The following DMXL2 variants were observed in gnomAD, a reference collection of about 807,000 sequenced individuals.
DMXL2 encodes the protein Dmx like 2, also known as dmX-like protein 2.
Under a neutral mutation model 331.1 loss-of-function variants are expected in DMXL2, and 103 were observed. The ratio of observed to expected loss-of-function variants is 0.31; its 90% CI spans 0.27 to 0.37. The LOEUF is 0.37. Among genes scored for constraint, DMXL2 ranks in the 10% least tolerant of loss-of-function variants. The pLI, the probability that DMXL2 is intolerant of heterozygous loss-of-function variation, is 1.00. For missense variants in DMXL2, 3,171 were observed against 3,642.9 expected (o/e 0.87, Z 3.33); for synonymous variants, 1,281 against 1,252.1 (o/e 1.02, Z -0.49).
chr15:51,521,513 A>C (rs1198246674), intron 13 of DMXL2, among the ~76,000 whole-genome samples: 2 of 151,324 alleles, frequency 1.3e-5, no homozygotes, highest in African/African-American at 2.4e-5. Flanking sequence ...AGGTTAAATA[A>C]CTTTCCCAGC....
At chr15:51,477,514 A>G (rs1304493757) in intron 26 of DMXL2, among the ~76,000 whole-genome samples, 1 of 152,056 alleles carries the variant, frequency 6.6e-6, no homozygotes, top group African/African-American at 2.4e-5. Flanking sequence ...CAATCAGAGT[A>G]CAGGCCATTT....
In DMXL2 at chr15:51,618,045, C is replaced by T. The variant is rs141556008; in HGVS notation, c.87+4414G>A. Among the ~76,000 whole-genome samples the T allele has an allele frequency of 2.0e-5, 3 of 152,306 alleles. No homozygotes were observed. In the East Asian group the frequency reaches 5.8e-4, roughly 29 times the overall value. On this transcript the variant is annotated intron_variant, in intron 1 of 43. Coordinates refer to ENST00000560891, the MANE Select transcript of DMXL2 (RefSeq NM_001378457.1). ...ATTTCTCTTAGAAAACAAGTCCATT[C>T]TAAATTCTTGACTTCTGTCTTTCAC...
Position 51,591,300 on chromosome 15 carries a change from C to T in DMXL2, c.88-15119G>A, listed in dbSNP as rs530737392. Among the ~76,000 whole-genome samples the T allele has an allele frequency of 7.0e-3, 1,073 of 152,316 alleles. 10 individuals carry two copies. The highest frequency in any genetic ancestry group is 0.025 in the African/African-American group (1,035 of 41,576). On this transcript the variant is annotated intron_variant, in intron 1 of 43. Transcript: ENST00000560891. ...AGGAGATTATATCCCGCGCCTGGCT[C>T]GGAGGGTCCTACGCCCACAGAGCCT...
chr15:51,502,231 T>TG (rs758890815), intron 17 of DMXL2, among the ~76,000 whole-genome samples: 1 of 114,798 alleles, frequency 8.7e-6, no homozygotes, highest in Non-Finnish European at 1.7e-5. Context: ...AGACTCCGTC[T>TG]AAAAAAAAAA....
chr15:51,578,797 T>C (rs962201618), intron 1 of DMXL2, among the ~76,000 whole-genome samples: 1 of 152,152 alleles, frequency 6.6e-6, no homozygotes, highest in African/African-American at 2.4e-5. Context: ...TACACTGGAA[T>C]ACTACACAGC....
intron 40 of DMXL2, among the ~76,000 whole-genome samples, chr15:51,454,334 C>A (rs934631185): frequency 2.0e-5 from 3 of 152,082 alleles, no homozygotes; most frequent in African/African-American, 7.2e-5. Flanking sequence ...CCACCCTCCC[C>A]CATGTTCCTT....
chr15:51,574,872 C>G, intron 2 of DMXL2, among the ~76,000 whole-genome samples: 1 of 152,158 alleles, frequency 6.6e-6, no homozygotes, highest in Non-Finnish European at 1.5e-5. Flanking sequence ...ATCACCAGCA[C>G]TTGAGTTATT....
intron 1 of DMXL2, among the ~76,000 whole-genome samples, chr15:51,579,527 C>G (rs1400735378): frequency 1.3e-5 from 2 of 152,148 alleles, no homozygotes; most frequent in Non-Finnish European, 2.9e-5. Context: ...TTACCTTGTC[C>G]TTGTTTACCA....
intron 1 of DMXL2, among the ~76,000 whole-genome samples, chr15:51,600,795 G>A (rs1178801340): frequency 3.9e-5 from 6 of 152,066 alleles, no homozygotes; most frequent in Non-Finnish European, 4.4e-5. Flanking sequence ...CCTGGCCATA[G>A]GTCTGACATT....
chr15:51,507,179 G>A lies in DMXL2; in HGVS notation c.2719C>T (p.Leu907=), dbSNP rs763721155. ...IEKDSNNNSI[L]HMWHLHLKSV... Reference sequence around the variant, plus strand: ...TTAAGATGAAGGTGCCACATATGCAGAATAGAGTTATTATTGCTGTCCTTC... The same window carrying A: ...TTAAGATGAAGGTGCCACATATGCAAAATAGAGTTATTATTGCTGTCCTTC... Residue 907 remains leucine, a synonymous_variant, in exon 16 of 44, where the codon CTG becomes TTG. Coordinates refer to ENST00000560891, the MANE Select transcript of DMXL2 (RefSeq NM_001378457.1). 24 of 1,611,084 alleles carry A rather than the reference G, an allele frequency of 1.5e-5. No homozygotes were observed. In the Admixed American group the frequency reaches 3.8e-4, roughly 26 times the overall value.
At chr15:51,609,912 A>G (rs1035582838) in intron 1 of DMXL2, among the ~76,000 whole-genome samples, 12 of 149,136 alleles carry the variant, frequency 8.0e-5, no homozygotes, top group Admixed American at 1.4e-4. Flanking sequence ...CCTGGGCAAC[A>G]AGAGTGAAAG....
At chr15:51,538,984 T>C (rs909274813) in intron 9 of DMXL2, among the ~76,000 whole-genome samples, 6 of 150,068 alleles carry the variant, frequency 4.0e-5, no homozygotes, top group Middle Eastern at 3.4e-3. Flanking sequence ...GAGAGGCGGG[T>C]GGATTGCCTG....
At chr15:51,556,849 A>C (rs912755436) in intron 6 of DMXL2, among the ~76,000 whole-genome samples, 1 of 152,314 alleles carries the variant, frequency 6.6e-6, no homozygotes, top group Admixed American at 6.5e-5. Context: ...TGTGGTTTAG[A>C]AAAACAATCT....
chr15:51,489,382 C>T (rs958200272), intron 20 of DMXL2, among the ~76,000 whole-genome samples: 1 of 152,044 alleles, frequency 6.6e-6, no homozygotes, highest in Non-Finnish European at 1.5e-5. Flanking sequence ...TCGGGCCGGA[C>T]GCAGTGGTTC....
At chr15:51,602,702 G>A (rs2053310088) in intron 1 of DMXL2, among the ~76,000 whole-genome samples, 1 of 152,192 alleles carries the variant, frequency 6.6e-6, no homozygotes, top group Non-Finnish European at 1.5e-5. Flanking sequence ...TCACAGGATA[G>A]AGTATATTCA....
chr15:51,581,555 T>C (rs947483309), intron 1 of DMXL2, among the ~76,000 whole-genome samples: 3 of 152,116 alleles, frequency 2.0e-5, no homozygotes, highest in African/African-American at 4.8e-5. Context: ...AACACACTCA[T>C]TCAGTCTTCT....
At chr15:51,454,354 A>G (rs563297420) in intron 40 of DMXL2, among the ~76,000 whole-genome samples, 4 of 149,208 alleles carry the variant, frequency 2.7e-5, no homozygotes, top group Non-Finnish European at 4.5e-5. Flanking sequence ...TTCCCCCACC[A>G]TATCTCCATC....
At chr15:51,472,643 G>T (rs994689396) in intron 28 of DMXL2, among the ~76,000 whole-genome samples, 11 of 152,082 alleles carry the variant, frequency 7.2e-5, no homozygotes, top group Non-Finnish European at 1.5e-4. Context: ...TTTGTGTCTG[G>T]CTTCTTTGGC....
At position 51,517,712 on chromosome 15, in the gene DMXL2, T is replaced by C. The variant is rs527852438; in HGVS notation, c.2437-545A>G. Among the ~76,000 whole-genome samples the C allele has an allele frequency of 9.2e-5, 14 of 152,322 alleles. No homozygotes were observed. In the East Asian group the frequency reaches 1.7e-3, roughly 19 times the overall value. Reference sequence around the variant, plus strand: ...CTTTCAGTAACTTCATCTGAAACGGTTGCCTCAGAAAGAAATGCCCATTCT... The same window carrying C: ...CTTTCAGTAACTTCATCTGAAACGGCTGCCTCAGAAAGAAATGCCCATTCT... On this transcript the variant is annotated intron_variant, in intron 13 of 43. Transcript: ENST00000560891.
Sources: allele counts gnomAD v4.1 joint callset (sites outside exome capture counted in the v4.1 genomes callset), GRCh38; gene constraint gnomAD v4.1.1; transcripts MANE v1.5; gene names NCBI Gene and HGNC (gene_info 2026-07-23, HGNC 2026-07-21).